ERC1: variants seen among roughly 807,000 people sequenced by gnomAD.
The protein encoded by ERC1 is RAB6 interacting protein 2.
ERC1 carries 56 observed loss-of-function variants against 132.0 expected under a neutral mutation model. That is an observed-to-expected ratio of 0.42 (90% CI 0.34 to 0.53). The LOEUF (loss-of-function observed/expected upper bound fraction) is 0.53, where lower values mean the gene tolerates loss of function less well. Among genes scored for constraint, ERC1 ranks in the 20% least tolerant of loss-of-function variants. The probability of loss-of-function intolerance (pLI) is 0.03; values close to 1 mark genes in which losing one functional copy is unlikely to be tolerated. For synonymous variants in ERC1, 478 were observed against 476.1 expected (o/e 1.00, Z -0.05); for missense variants, 1,202 against 1,349.9 (o/e 0.89, Z 1.72).
At chr12:1,042,354 T>TTC (rs1565846325) in intron 2 of ERC1, among the ~76,000 whole-genome samples, 1 of 143,082 alleles carries the variant, frequency 7.0e-6, no homozygotes, top group Non-Finnish European at 1.5e-5. Flanking sequence ...TTTTTTTTTT[T>TTC]TTCTTTTTTT....
At chr12:1,044,964 A>G (rs547644959) in intron 2 of ERC1, among the ~76,000 whole-genome samples, 30 of 152,188 alleles carry the variant, frequency 2.0e-4, no homozygotes, top group East Asian at 1.7e-3. Flanking sequence ...CTGGAAATGA[A>G]TTTTTTATTG....
rs117525007 is a variant in ERC1, at chr12:1,038,167, G to A, written c.669+9595G>A. 1.6e-3 allele frequency among the ~76,000 whole-genome samples: 242 copies of A among 152,216 alleles called. 1 individual carries two copies. In the East Asian group the frequency reaches 0.038, roughly 24 times the overall value. On this transcript the variant is annotated intron_variant, in intron 2 of 18. Coordinates refer to ENST00000360905, the MANE Select transcript of ERC1 (RefSeq NM_178040.4). ...GGTCAGATTGCCTTCTGACAGCTGC[G>A]TGGGTGCCCTAAGTCATTGAACTCT...
chr12:1,027,892 G>T lies in ERC1; in HGVS notation c.-12G>T. On this transcript the variant is annotated 5_prime_UTR_variant, in exon 2 of 19. Transcript: ENST00000360905. ...TTGATTTTCTGCTCACACCTTTCCT[G>T]ACCTTGCAACCATGTATGGAAGTGC... The T allele has an allele frequency of 6.3e-7, 1 of 1,585,068 alleles. No individual in the cohort carries two copies. Among genetic ancestry groups the T allele is most frequent in the South Asian group, 1.1e-5 (1 of 88,222 alleles).
At chr12:1,472,669 A>G (rs759035323) in intron 18 of ERC1, among the ~76,000 whole-genome samples, 1 of 149,780 alleles carries the variant, frequency 6.7e-6, no homozygotes, top group Admixed American at 6.6e-5. Context: ...AAAAAAAGAG[A>G]AGAGAAAAGG....
rs181348544 is a variant in ERC1, at chr12:1,003,832, C to T, written c.-157+12510C>T. On this transcript the variant is annotated intron_variant, in intron 1 of 18. Coordinates refer to ENST00000360905, the MANE Select transcript of ERC1 (RefSeq NM_178040.4). ...GTTCCTGCTCCCTGTGATCTTTGTC[C>T]CACATACCAAAAAGGATAACACCAC... is the stretch of plus-strand genomic sequence containing the variant. Among the ~76,000 whole-genome samples, 6 of 152,260 alleles carry T rather than the reference C, an allele frequency of 3.9e-5. No individual in the cohort carries two copies. The East Asian group carries it at 1.2e-3, about 29-fold the overall frequency.
chr12:1,346,026 C>T (rs1401199469), intron 15 of ERC1, among the ~76,000 whole-genome samples: 3 of 152,062 alleles, frequency 2.0e-5, no homozygotes, highest in Non-Finnish European at 2.9e-5. Context: ...CTGATGTTGC[C>T]CCTCTGAGTT....
At chr12:1,246,105 A>AT (rs1248997703) in intron 13 of ERC1, among the ~76,000 whole-genome samples, 1 of 152,122 alleles carries the variant, frequency 6.6e-6, no homozygotes, top group Non-Finnish European at 1.5e-5. Flanking sequence ...TATATATGAT[A>AT]TACATGTGCA....
chr12:1,375,493 A>G (rs962307840), intron 16 of ERC1, among the ~76,000 whole-genome samples: 1 of 152,202 alleles, frequency 6.6e-6, no homozygotes, highest in Non-Finnish European at 1.5e-5. Flanking sequence ...TGGCCTTGCC[A>G]ACTTTTTCTG....
intron 15 of ERC1, among the ~76,000 whole-genome samples, chr12:1,327,005 G>A (rs1352984558): frequency 6.6e-6 from 1 of 151,954 alleles, no homozygotes; most frequent in Non-Finnish European, 1.5e-5. Flanking sequence ...ATGTTACCTC[G>A]TTAATAGTCA....
At chr12:1,436,052 A>G (rs2092937908) in intron 17 of ERC1, among the ~76,000 whole-genome samples, 1 of 152,178 alleles carries the variant, frequency 6.6e-6, no homozygotes, top group Non-Finnish European at 1.5e-5. Flanking sequence ...TTATATCTGC[A>G]TAGTCTGTTG....
At chr12:1,344,133 G>A (rs1301135104) in intron 15 of ERC1, among the ~76,000 whole-genome samples, 2 of 152,166 alleles carry the variant, frequency 1.3e-5, no homozygotes, top group Admixed American at 6.5e-5. Flanking sequence ...GAGCCACCGC[G>A]CCCAGCCTGT....
chr12:1,008,335 A>T (rs1250866142), intron 1 of ERC1, among the ~76,000 whole-genome samples: 3 of 152,252 alleles, frequency 2.0e-5, no homozygotes, highest in Non-Finnish European at 4.4e-5. Context: ...TAGCCACATT[A>T]AAGAGTAAAA....
At chr12:1,360,458 T>G in intron 15 of ERC1, among the ~76,000 whole-genome samples, 1 of 152,210 alleles carries the variant, frequency 6.6e-6, no homozygotes, top group South Asian at 2.1e-4. Context: ...GGAAATTGCT[T>G]TCAGAGCCAG....
chr12:1,221,024 C>T (rs151111438), intron 12 of ERC1, among the ~76,000 whole-genome samples: 1 of 152,322 alleles, frequency 6.6e-6, no homozygotes, highest in Non-Finnish European at 1.5e-5. Flanking sequence ...CCCATTCCTA[C>T]ACACCTTATC....
chr12:1,346,948 C>CAAAAAAAAAAAAAAAA (rs58842053), intron 15 of ERC1, among the ~76,000 whole-genome samples: 3 of 106,054 alleles, frequency 2.8e-5, no homozygotes, highest in Admixed American at 9.2e-5. Context: ...GACTCCGTCT[C>CAAAAAAAAAAAAAAAA]AAAAAAAAAA....
intron 2 of ERC1, among the ~76,000 whole-genome samples, chr12:1,060,318 C>G (rs1973764963): frequency 6.6e-6 from 1 of 151,814 alleles, no homozygotes; most frequent in Non-Finnish European, 1.5e-5. Flanking sequence ...TAATGCTAAC[C>G]CTCCCCCCTT....
chr12:1,016,288 A>G (rs943599147), intron 1 of ERC1, among the ~76,000 whole-genome samples: 30 of 152,248 alleles, frequency 2.0e-4, no homozygotes, highest in African/African-American at 3.6e-4. Context: ...AGCCTAGTCC[A>G]TTATAGTTAG....
intron 3 of ERC1, among the ~76,000 whole-genome samples, chr12:1,096,254 C>A (rs1197456970): frequency 6.6e-6 from 1 of 152,102 alleles, no homozygotes; most frequent in Non-Finnish European, 1.5e-5. Context: ...ATGGATTTTT[C>A]GGTTTTCTTT....
intron 13 of ERC1, among the ~76,000 whole-genome samples, chr12:1,260,950 T>A (rs1173575868): frequency 6.6e-6 from 1 of 152,222 alleles, no homozygotes; most frequent in Non-Finnish European, 1.5e-5. Context: ...TCCAGAAATC[T>A]TTTTTAAATA....
Sources: allele counts gnomAD v4.1 joint callset (sites outside exome capture counted in the v4.1 genomes callset), GRCh38; gene constraint gnomAD v4.1.1; transcripts MANE v1.5; gene names NCBI Gene and HGNC (gene_info 2026-07-23, HGNC 2026-07-21).